The following PTGER4 variants were observed in gnomAD, a reference collection of about 807,000 sequenced individuals.
PTGER4 encodes prostaglandin E receptor 4, also known as prostaglandin E2 receptor EP4 subtype.
Under a neutral mutation model 33.2 loss-of-function variants are expected in PTGER4, and 11 were observed. The ratio of observed to expected loss-of-function variants is 0.33; its 90% confidence interval spans 0.21 to 0.55. PTGER4 has a LOEUF of 0.55. PTGER4 is among the 20% of genes least tolerant of loss of function. The pLI is 0.92. For missense variants in PTGER4, 481 were observed against 650.2 expected, an observed-to-expected ratio of 0.74 and a Z score of 2.83; for synonymous variants, 275 against 281.5, an observed-to-expected ratio of 0.98 and a Z score of 0.23.
downstream of PTGER4, among the ~76,000 whole-genome samples, chr5:40,696,415 T>C (rs1327600024): frequency 1.3e-5 from 2 of 152,158 alleles, no homozygotes; most frequent in African/African-American, 4.8e-5. Flanking sequence ...AATTATGATC[T>C]CAAGATTGTC....
At position 40,691,969 on chromosome 5, in the gene PTGER4, G is replaced by A. The variant is rs1422903407; in HGVS notation, c.1058G>A (p.Gly353Glu). ...AAATGCCTCTTCTGCCGCATTGGCG[G>A]GTCCCGCAGGGAGCGCTCCGGACAG... is the stretch of plus-strand genomic sequence containing the variant. ...KIKCLFCRIG[G>E]SRRERSGQHC... Residue 353 changes from glycine (G) to glutamate (E), a missense_variant, in exon 3 of 3, where the codon GGG becomes GAG. Coordinates refer to ENST00000302472, the MANE Select transcript of PTGER4 (RefSeq NM_000958.3). The surrounding 1 kb of genome is among the most constrained non-coding windows in gnomAD (Gnocchi z 4.2). The A allele has an allele frequency of 1.2e-6, 2 of 1,614,168 alleles. No homozygotes were observed. Among genetic ancestry groups the A allele is most frequent in the Admixed American group, 3.3e-5 (2 of 60,030 alleles).
chr5:40,736,117 A>AGAGGGGTCTT, the PTGER4 span, among the ~76,000 whole-genome samples: 3 of 152,218 alleles, frequency 2.0e-5, no homozygotes, highest in Admixed American at 2.0e-4. Flanking sequence ...GATGGGGTCT[A>AGAGGGGTCTT]GAGTACAAGT....
At chr5:40,735,800 A>C in the PTGER4 span, among the ~76,000 whole-genome samples, 9 of 152,228 alleles carry the variant, frequency 5.9e-5, no homozygotes, top group African/African-American at 2.2e-4. Flanking sequence ...AATGATGAGA[A>C]GCACAATAAA....
In PTGER4 at chr5:40,691,812, A is replaced by C. The variant is rs758277767; in HGVS notation, c.901A>C (p.Ser301Arg). Residue 301 changes from serine (S) to arginine (R), a missense_variant, in exon 3 of 3, where the codon AGT becomes CGT. Physicochemically the swap from Ser to Arg is moderately radical, Grantham distance 110 (BLOSUM62 -1). Transcript: ENST00000302472. The surrounding 1 kb of genome is among the most constrained non-coding windows in gnomAD (Gnocchi z 4.2). ...ATTCGTCAACCAGTTATATCAGCCA[A>C]GTTTGGAGCGAGAAGTCAGTAAAAA... ...RVFVNQLYQP[S>R]LEREVSKNPD... 1.9e-6 allele frequency: 3 copies of C among 1,614,126 alleles called. No individual in the cohort carries two copies. Among genetic ancestry groups the C allele is most frequent in the Admixed American group, 3.3e-5 (2 of 60,030 alleles).
At chr5:40,715,820 G>T in the PTGER4 span, 162 of 206,140 alleles carry the variant, frequency 7.9e-4, 1 homozygote, top group Admixed American at 6.1e-3. Flanking sequence ...CAGTAACATT[G>T]ATCAAATTAT....
At position 40,683,753 on chromosome 5, in the gene PTGER4, C is replaced by T. The variant is rs918778757; in HGVS notation, c.867+1893C>T. Among the ~76,000 whole-genome samples, 1 of 152,166 alleles carries T rather than the reference C, an allele frequency of 6.6e-6. No individual in the cohort carries two copies. Among genetic ancestry groups the T allele is most frequent in the Non-Finnish European group, 1.5e-5 (1 of 68,018 alleles). ...CACCTCATAGGCTGAAGTGGTAGAC[C>T]TGGACCTAAGATTCAGGGCCCTTAC... On this transcript the variant is annotated intron_variant, in intron 2 of 2. Transcript: ENST00000302472. The surrounding 1 kb of genome is among the most constrained non-coding windows in gnomAD (Gnocchi z 4.2).
intron 2 of PTGER4, among the ~76,000 whole-genome samples, chr5:40,688,609 A>C (rs1741389381): frequency 6.6e-6 from 1 of 152,242 alleles, no homozygotes; most frequent in Non-Finnish European, 1.5e-5. Flanking sequence ...GGACATCCTA[A>C]GTTCCTCAAA....
chr5:40,685,068 A>T (rs1280630488), intron 2 of PTGER4, among the ~76,000 whole-genome samples: 1 of 152,190 alleles, frequency 6.6e-6, no homozygotes, highest in African/African-American at 2.4e-5. Flanking sequence ...TTAGGGCTAA[A>T]CAGTTACTAT....
At chr5:40,697,223 AAGAAAAGAAAGAAAG>A (rs1561134361), downstream of PTGER4, among the ~76,000 whole-genome samples, 2 of 96,870 alleles carry the variant, frequency 2.1e-5, no homozygotes, top group Non-Finnish European at 4.1e-5. Flanking sequence ...AAAAAGAAAG[AAGAAAAGAAAGAAAG>A]AAAGAAAGAA....
At chr5:40,701,104 C>T in the PTGER4 span, among the ~76,000 whole-genome samples, 2 of 152,208 alleles carry the variant, frequency 1.3e-5, no homozygotes, top group Admixed American at 1.3e-4. Context: ...AATGCAAGAA[C>T]TCCAGTAACT....
At chr5:40,718,144 T>A in the PTGER4 span, among the ~76,000 whole-genome samples, 1 of 150,834 alleles carries the variant, frequency 6.6e-6, no homozygotes, top group African/African-American at 2.4e-5. Flanking sequence ...GACAGATACA[T>A]GATGGCTCAC....
At chr5:40,732,493 C>T in the PTGER4 span, among the ~76,000 whole-genome samples, 1 of 151,778 alleles carries the variant, frequency 6.6e-6, no homozygotes, top group East Asian at 1.9e-4. Context: ...GCTCTAATTC[C>T]TCCTTGTATT....
the PTGER4 span, among the ~76,000 whole-genome samples, chr5:40,699,945 T>TC: frequency 0.69 from 104,646 of 151,982 alleles, 36,071 homozygotes; most frequent in East Asian, 0.8. Context: ...TACTGAAAGT[T>TC]TAGCAAGTGC....
Position 40,693,181 on chromosome 5 carries a change from CTG to C in PTGER4, c.*806_*807del, listed in dbSNP as rs1478594209. ...ATATTACATTTATTTATCCAGAAAA[CTG>C]TGATTTCAGGAGAACCTAACATGCT... On this transcript the variant is annotated 3_prime_UTR_variant, in exon 3 of 3. Transcript: ENST00000302472. The C allele has an allele frequency of 1.0e-5, 10 of 979,142 alleles. No homozygotes were observed. The highest frequency in any genetic ancestry group is 1.2e-5 in the Non-Finnish European group (10 of 824,036). 60.7% of individuals were successfully genotyped at this position (979,142 alleles called of 1,614,324 possible).
At chr5:40,682,964 T>G (rs1741236415) in intron 2 of PTGER4, among the ~76,000 whole-genome samples, 1 of 152,232 alleles carries the variant, frequency 6.6e-6, no homozygotes, top group Non-Finnish European at 1.5e-5. Flanking sequence ...CCTACCTAGT[T>G]TTCTACTTTG....
At position 40,693,208 on chromosome 5, in the gene PTGER4, T is replaced by C. The variant is rs976964805; in HGVS notation, c.*830T>C. 3.0e-6 allele frequency: 3 copies of C among 983,822 alleles called. No individual in the cohort carries two copies. Among genetic ancestry groups the C allele is most frequent in the Non-Finnish European group, 2.4e-6 (2 of 828,190 alleles). The allele number at this position is 983,822 out of a possible 1,614,324, so 60.9% of individuals were successfully genotyped here. A position where few individuals can be genotyped will look rare whatever the true frequency, so the allele number is the denominator to read the frequency against. On this transcript the variant is annotated 3_prime_UTR_variant, in exon 3 of 3. Coordinates refer to ENST00000302472, the MANE Select transcript of PTGER4 (RefSeq NM_000958.3). ...GTGATTTCAGGAGAACCTAACATGCTGGTGAATATTTTCAACTTTTTCCCT... is the reference window on the plus strand; with the variant it reads ...GTGATTTCAGGAGAACCTAACATGCCGGTGAATATTTTCAACTTTTTCCCT...
chr5:40,686,354 A>G (rs1396350425), intron 2 of PTGER4, among the ~76,000 whole-genome samples: 1 of 152,250 alleles, frequency 6.6e-6, no homozygotes, highest in Non-Finnish European at 1.5e-5. Flanking sequence ...TAGGAAGTAC[A>G]TGTTTTTGAT....
At chr5:40,736,633 C>A in the PTGER4 span, among the ~76,000 whole-genome samples, 26 of 152,078 alleles carry the variant, frequency 1.7e-4, no homozygotes, top group East Asian at 3.9e-4. Context: ...GGAAATATAC[C>A]AAGAACATAT....
At chr5:40,695,689 C>T (rs555869761), downstream of PTGER4, among the ~76,000 whole-genome samples, 7 of 152,086 alleles carry the variant, frequency 4.6e-5, no homozygotes, top group Non-Finnish European at 7.4e-5. Flanking sequence ...CCAGCCTGGG[C>T]GACAGAGGGA....
Sources: allele counts gnomAD v4.1 joint callset (sites outside exome capture counted in the v4.1 genomes callset), GRCh38; gene constraint gnomAD v4.1.1; non-coding constraint Gnocchi (gnomAD v3.1); transcripts MANE v1.5; gene names NCBI Gene and HGNC (gene_info 2026-07-23, HGNC 2026-07-21).